GRID2: variants seen among roughly 807,000 people sequenced by gnomAD.
GRID2 encodes glutamate ionotropic receptor delta type subunit 2.
A neutral mutation model predicts 114.8 loss-of-function variants in GRID2; 33 were observed. The ratio of observed to expected loss-of-function variants is 0.29; its 90% CI spans 0.22 to 0.38. The LOEUF (loss-of-function observed/expected upper bound fraction) is 0.38. Among genes scored for constraint, GRID2 ranks in the 10% least tolerant of loss-of-function variants. The pLI, the probability that GRID2 is intolerant of heterozygous loss-of-function variation, is 1.00. For synonymous variants in GRID2, 505 were observed against 449.9 expected (o/e 1.12, Z -1.55); for missense variants, 1,184 against 1,257.7 (o/e 0.94, Z 0.89).
chr4:93,373,889 A>G (rs1388533720), intron 8 of GRID2, among the ~76,000 whole-genome samples: 2 of 152,198 alleles, frequency 1.3e-5, no homozygotes, highest in African/African-American at 4.8e-5. Flanking sequence ...TGAAATAATA[A>G]AAGTATTTGC....
intron 8 of GRID2, among the ~76,000 whole-genome samples, chr4:93,362,039 T>A (rs1252759572): frequency 6.6e-6 from 1 of 152,098 alleles, no homozygotes; most frequent in Non-Finnish European, 1.5e-5. Context: ...GGAGATGGGC[T>A]GTTAAATCAA....
intron 2 of GRID2, among the ~76,000 whole-genome samples, chr4:92,924,055 A>T (rs979040572): frequency 5.3e-5 from 8 of 152,178 alleles, no homozygotes; most frequent in Non-Finnish European, 2.9e-5. Flanking sequence ...TACACCATGG[A>T]ATACTATGCA....
At chr4:93,710,069 G>T (rs1728350853) in intron 14 of GRID2, among the ~76,000 whole-genome samples, 1 of 152,120 alleles carries the variant, frequency 6.6e-6, no homozygotes, top group African/African-American at 2.4e-5. Context: ...ATTGGTCACT[G>T]GTGCCTTTTA....
At chr4:92,891,645 A>G (rs1746792127) in intron 2 of GRID2, among the ~76,000 whole-genome samples, 1 of 152,180 alleles carries the variant, frequency 6.6e-6, no homozygotes, top group African/African-American at 2.4e-5. Context: ...ATAGAAAGGA[A>G]GACGTAAAAT....
At chr4:93,762,342 G>GATAAAATA (rs1733282223) in intron 14 of GRID2, among the ~76,000 whole-genome samples, 1 of 152,056 alleles carries the variant, frequency 6.6e-6, no homozygotes, top group Admixed American at 6.6e-5. Context: ...AGTAGGTACT[G>GATAAAATA]ATAAAATATT....
chr4:92,318,806 T>C (rs761877788), intron 1 of GRID2, among the ~76,000 whole-genome samples: 4 of 152,064 alleles, frequency 2.6e-5, no homozygotes, highest in Non-Finnish European at 5.9e-5. Context: ...CAGAGAAGAA[T>C]TCAGGAGTCT....
At chr4:93,499,654 A>AT (rs1299521422) in intron 12 of GRID2, among the ~76,000 whole-genome samples, 1 of 151,786 alleles carries the variant, frequency 6.6e-6, no homozygotes, top group Non-Finnish European at 1.5e-5. Context: ...TCTCTTTGCG[A>AT]TTTTAAGTTC....
At chr4:93,011,525 C>G (rs1470897380) in intron 2 of GRID2, among the ~76,000 whole-genome samples, 1 of 151,940 alleles carries the variant, frequency 6.6e-6, no homozygotes. Context: ...TTCCAGGAGC[C>G]CCCAGCCCCC....
At position 93,789,552 on chromosome 4, in the gene GRID2, T is replaced by C. The variant is rs77255342; in HGVS notation, c.222-17163T>C. Reference sequence around the variant, plus strand: ...TACAGCACAAAAAAGTACATTCTTCTAATATTTTTGGTGCCACACTTTTCC... The same window carrying C: ...TACAGCACAAAAAAGTACATTCTTCCAATATTTTTGGTGCCACACTTTTCC... On this transcript the variant is annotated intron_variant, in intron 1 of 1. Transcript: ENST00000637838. Among the ~76,000 whole-genome samples the C allele has an allele frequency of 1.2e-4, 18 of 152,354 alleles. No homozygotes were observed. In the East Asian group the frequency reaches 3.5e-3, roughly 29 times the overall value.
intron 1 of GRID2, among the ~76,000 whole-genome samples, chr4:92,522,334 A>G (rs561594071): frequency 6.6e-6 from 1 of 152,010 alleles, no homozygotes; most frequent in Non-Finnish European, 1.5e-5. Context: ...ACAGGAAAGC[A>G]GTACAAAAGA....
intron 4 of GRID2, among the ~76,000 whole-genome samples, chr4:93,113,867 G>A (rs1055230577): frequency 6.6e-6 from 1 of 152,142 alleles, no homozygotes; most frequent in Admixed American, 6.6e-5. Flanking sequence ...ATTCTAAGCA[G>A]CAGGAAGACC....
At chr4:92,346,912 A>G (rs1379728966) in intron 1 of GRID2, among the ~76,000 whole-genome samples, 1 of 152,174 alleles carries the variant, frequency 6.6e-6, no homozygotes, top group African/African-American at 2.4e-5. Context: ...GCATATATCT[A>G]TCTCTCATTA....
intron 11 of GRID2, among the ~76,000 whole-genome samples, chr4:93,467,338 G>A (rs970435713): frequency 2.0e-5 from 3 of 152,090 alleles, no homozygotes; most frequent in African/African-American, 7.2e-5. Flanking sequence ...CGATTTTGCT[G>A]AGAACAATGA....
At chr4:93,770,340 A>G (rs1168536091) in intron 15 of GRID2, among the ~76,000 whole-genome samples, 1 of 152,244 alleles carries the variant, frequency 6.6e-6, no homozygotes, top group Non-Finnish European at 1.5e-5. Context: ...AGTTTCTATA[A>G]CTAGAACTTG....
At chr4:92,498,845 T>C (rs1225821866) in intron 1 of GRID2, among the ~76,000 whole-genome samples, 1 of 151,056 alleles carries the variant, frequency 6.6e-6, no homozygotes, top group Non-Finnish European at 1.5e-5. Context: ...CATTCATATA[T>C]AGTGTAGGTA....
chr4:93,077,817 G>T (rs1157535128), intron 2 of GRID2, among the ~76,000 whole-genome samples: 1 of 152,056 alleles, frequency 6.6e-6, no homozygotes. Context: ...GCAGGCTATT[G>T]GGAAAAGGCC....
chr4:93,430,837 G>T (rs1016852982), intron 10 of GRID2, among the ~76,000 whole-genome samples: 1 of 152,188 alleles, frequency 6.6e-6, no homozygotes, highest in Admixed American at 6.5e-5. Context: ...AAAATAACAG[G>T]TAGTAATTAT....
intron 8 of GRID2, among the ~76,000 whole-genome samples, chr4:93,333,723 T>A (rs1341986599): frequency 6.6e-6 from 1 of 152,224 alleles, no homozygotes; most frequent in African/African-American, 2.4e-5. Flanking sequence ...ATTATTCACC[T>A]GGAAAATGGA....
At chr4:93,242,205 A>C (rs1300177368) in intron 8 of GRID2, among the ~76,000 whole-genome samples, 1 of 151,958 alleles carries the variant, frequency 6.6e-6, no homozygotes, top group Non-Finnish European at 1.5e-5. Context: ...AAAATGCAGC[A>C]GAAGGCATTG....
Sources: gnomAD v4.1 joint callset for allele counts (sites outside exome capture counted in the v4.1 genomes callset) on GRCh38, gnomAD v4.1.1 for gene constraint, MANE v1.5 for transcripts, NCBI Gene and HGNC (gene_info 2026-07-23, HGNC 2026-07-21) for gene names.